The following MPHOSPH9 variants were observed in gnomAD, a reference collection of about 807,000 sequenced individuals.
MPHOSPH9 encodes the protein M-phase phosphoprotein 9.
Under a neutral mutation model 145.5 loss-of-function variants are expected in MPHOSPH9, and 88 were observed. The ratio of observed to expected loss-of-function variants is 0.60; its 90% CI spans 0.51 to 0.72. The LOEUF is 0.72. Among genes scored for constraint, MPHOSPH9 ranks in the 30% least tolerant of loss-of-function variants. The probability of loss-of-function intolerance (pLI) is 0.00; values close to 1 mark genes in which losing one functional copy is unlikely to be tolerated. For synonymous variants in MPHOSPH9, 435 were observed against 486.2 expected, an observed-to-expected ratio of 0.89 and a Z score of 1.39; for missense variants, 1,238 against 1,386.6, an observed-to-expected ratio of 0.89 and a Z score of 1.70.
intron 13 of MPHOSPH9, among the ~76,000 whole-genome samples, chr12:123,184,647 G>A (rs767945919): frequency 2.0e-5 from 3 of 151,488 alleles, no homozygotes; most frequent in Non-Finnish European, 2.9e-5. Context: ...ACAGGCATCC[G>A]CTACCACGCC....
intron 15 of MPHOSPH9, among the ~76,000 whole-genome samples, chr12:123,178,994 T>C (rs1037246188): frequency 2.6e-5 from 4 of 152,368 alleles, no homozygotes; most frequent in African/African-American, 7.2e-5. Context: ...AAAATAATTC[T>C]GTGAACTAGG....
At chr12:123,182,426 G>A (rs143553753) in intron 13 of MPHOSPH9, among the ~76,000 whole-genome samples, 1,794 of 150,548 alleles carry the variant, frequency 0.012, 15 homozygotes, top group Non-Finnish European at 0.019. Flanking sequence ...GCTAATTTTT[G>A]TATTAGATGG....
Position 123,202,246 on chromosome 12 carries a change from T to A in MPHOSPH9, c.1855A>T (p.Asn619Tyr), listed in dbSNP as rs200596937. The stretch of plus-strand genomic sequence containing the variant: ...GCCTCCAGCTTCTGTTTCAAACTAT[T>A]TATTTCTGATTCATAATAAGCTCGA... ...DLRAYYESEINSLKQKLEAKE... is the reference protein window; with the variant it reads ...DLRAYYESEIYSLKQKLEAKE... The change falls in exon 11 of 24, where the codon AAT becomes TAT. Residue 619 changes from asparagine to tyrosine, a missense_variant. By Grantham distance (143) the Asn-to-Tyr change is moderately radical (BLOSUM62 -2). Transcript: ENST00000606320. 2 of 1,613,550 alleles carry A rather than the reference T, an allele frequency of 1.2e-6. No individual in the cohort carries two copies. The highest frequency in any genetic ancestry group is 1.7e-5 in the Admixed American group (1 of 59,900).
intron 17 of MPHOSPH9, 108 bp downstream of exon 17, chr12:123,166,547 T>C (rs2044328011): frequency 8.1e-7 from 1 of 1,232,300 alleles, no homozygotes; most frequent in Admixed American, 2.2e-5. Context: ...TTCTCAAAAT[T>C]AAGACATTAA....
At chr12:123,209,192 C>G (rs1020649869) in intron 8 of MPHOSPH9, among the ~76,000 whole-genome samples, 1 of 152,074 alleles carries the variant, frequency 6.6e-6, no homozygotes. Context: ...CTTGGCCTAC[C>G]AAAGTGCTGG....
intron 13 of MPHOSPH9, among the ~76,000 whole-genome samples, chr12:123,190,802 T>C (rs372872859): frequency 6.6e-5 from 10 of 152,194 alleles, no homozygotes; most frequent in African/African-American, 1.9e-4. Context: ...AAGAGAGGAA[T>C]AGAAGACAGT....
chr12:123,213,616 G>A (rs972865084), intron 7 of MPHOSPH9, among the ~76,000 whole-genome samples: 2 of 152,110 alleles, frequency 1.3e-5, no homozygotes, highest in African/African-American at 2.4e-5. Context: ...TGGGATTATA[G>A]GCATGAGCCA....
chr12:123,210,113 A>G lies in MPHOSPH9; in HGVS notation c.1137T>C (p.Pro379=). The change falls in exon 8 of 24, where the codon CCT becomes CCC. Residue 379 remains proline (P), a synonymous_variant. Coordinates refer to ENST00000606320, the MANE Select transcript of MPHOSPH9 (RefSeq NM_022782.4). The part of the protein sequence containing the change: ...LEEKDMHHSL[P]ETLEKTFISL... ...ATATGAACGTCTTCTCTAAAGTTTCAGGCAAAGAGTGGTGCATATCCTTTT... is the reference window on the plus strand; with the variant it reads ...ATATGAACGTCTTCTCTAAAGTTTCGGGCAAAGAGTGGTGCATATCCTTTT... 6.2e-7 allele frequency: 1 copy of G among 1,611,258 alleles called. No individual in the cohort carries two copies. Among genetic ancestry groups the G allele is most frequent in the South Asian group, 1.1e-5 (1 of 90,588 alleles).
upstream of MPHOSPH9, among the ~76,000 whole-genome samples, chr12:123,234,139 G>A (rs993128551): frequency 6.6e-6 from 1 of 152,006 alleles, no homozygotes; most frequent in Admixed American, 6.6e-5. Flanking sequence ...CCTCCCCGTG[G>A]GACCCCAGCC....
chr12:123,161,314 T>G lies in MPHOSPH9; in HGVS notation c.3203A>C (p.Asn1068Thr). ...TCTCACAGATACTTTCTTCACTCCA[T>G]TTGGCACCGGTTCAGGGCAAGAGCT... ...NHSSCPEPVP[N>T]GVKKVSVRTA... The change falls in exon 22 of 24, where the codon AAT becomes ACT. Residue 1068 changes from asparagine to threonine, a missense_variant. Coordinates refer to ENST00000606320, the MANE Select transcript of MPHOSPH9 (RefSeq NM_022782.4). 1 of 1,614,154 alleles carries G rather than the reference T, an allele frequency of 6.2e-7. No homozygotes were observed. The highest frequency in any genetic ancestry group is 2.2e-5 in the East Asian group (1 of 44,886).
In MPHOSPH9 at chr12:123,206,681, A is replaced by C. The variant is rs558791561; in HGVS notation, c.1195-3306T>G. 2.6e-5 allele frequency among the ~76,000 whole-genome samples: 4 copies of C among 152,028 alleles called. No homozygotes were observed. In the East Asian group the frequency reaches 7.7e-4, roughly 29 times the overall value. ...GTAATCCCAGCACTTTGGGAGGCTG[A>C]GGCAGGTGGGTCACAAGGTCAGGAG... On this transcript the variant is annotated intron_variant, in intron 8 of 23. Transcript: ENST00000606320.
intron 11 of MPHOSPH9, 150 bp downstream of exon 11, chr12:123,202,014 A>AG (rs1275239147): frequency 1.4e-5 from 11 of 799,376 alleles, no homozygotes; most frequent in African/African-American, 5.2e-5. Context: ...GTATTATAAG[A>AG]GGGGGGTTTA....
At chr12:123,152,571 C>CA (rs1206404222), downstream of MPHOSPH9, 2 of 456,596 alleles carry the variant, frequency 4.4e-6, no homozygotes, top group Non-Finnish European at 4.4e-6. Flanking sequence ...TGACATGGTA[C>CA]ATAATGTCCA....
In MPHOSPH9 at chr12:123,227,712, C is replaced by T. The variant is rs959974800; in HGVS notation, c.105-96G>A. 4 of 1,061,846 alleles carry T rather than the reference C, an allele frequency of 3.8e-6. No individual in the cohort carries two copies. The African/African-American group carries it at 4.8e-5, about 13-fold the overall frequency. 65.8% of individuals were successfully genotyped at this position (1,061,846 alleles called of 1,614,324 possible). A position where few individuals can be genotyped will look rare whatever the true frequency, so the allele number is the denominator to read the frequency against. On this transcript the variant is annotated intron_variant, in intron 2 of 23. Coordinates refer to ENST00000606320, the MANE Select transcript of MPHOSPH9 (RefSeq NM_022782.4). ...GATTTAGCAGAGCAGTACAAAACCA[C>T]TGACATTTAATCCTTCTAATGGCAC...
At chr12:123,209,054 A>G (rs999909195) in intron 8 of MPHOSPH9, among the ~76,000 whole-genome samples, 1 of 151,248 alleles carries the variant, frequency 6.6e-6, no homozygotes, top group Non-Finnish European at 1.5e-5. Context: ...TGCCTCAGCC[A>G]CCTGAGCAGC....
upstream of MPHOSPH9, among the ~76,000 whole-genome samples, chr12:123,237,449 C>G (rs1306073161): frequency 1.3e-5 from 2 of 152,038 alleles, no homozygotes; most frequent in Non-Finnish European, 2.9e-5. Context: ...TAAAAATGAA[C>G]GAGATGTTGG....
At chr12:123,231,962 A>G (rs1385117283) in intron 1 of MPHOSPH9, among the ~76,000 whole-genome samples, 1 of 148,124 alleles carries the variant, frequency 6.8e-6, no homozygotes, top group Non-Finnish European at 1.5e-5. Flanking sequence ...CCCACTTTCT[A>G]GGGCCTGCTT....
chr12:123,230,196 G>A (rs576974940), intron 2 of MPHOSPH9, 65 bp downstream of exon 2: 2 of 834,790 alleles, frequency 2.4e-6, no homozygotes, highest in East Asian at 5.5e-5. Flanking sequence ...ATTTGGATAA[G>A]TTGATAAACG....
chr12:123,189,483 T>TA (rs1441536816), intron 13 of MPHOSPH9, among the ~76,000 whole-genome samples: 2 of 152,124 alleles, frequency 1.3e-5, no homozygotes, highest in African/African-American at 2.4e-5. Flanking sequence ...GCATTGCTCC[T>TA]AACAGCAATG....
Sources: gnomAD v4.1 joint callset for allele counts (sites outside exome capture counted in the v4.1 genomes callset) on GRCh38, gnomAD v4.1.1 for gene constraint, MANE v1.5 for transcripts, NCBI Gene and HGNC (gene_info 2026-07-23, HGNC 2026-07-21) for gene names.